The following CDC27 variants were observed in gnomAD, a reference collection of about 807,000 sequenced individuals.
CDC27 encodes cell division cycle protein 27 homolog.
CDC27 carries 27 observed loss-of-function variants against 109.7 expected under a neutral mutation model. The ratio of observed to expected loss-of-function variants is 0.25; its 90% CI spans 0.18 to 0.34. CDC27 has a LOEUF of 0.34. Among genes scored for constraint, CDC27 ranks in the 10% least tolerant of loss-of-function variants. The pLI is 1.00. For missense variants in CDC27, 579 were observed against 960.2 expected, an observed-to-expected ratio of 0.60 and a Z score of 5.25; for synonymous variants, 266 against 333.9, an observed-to-expected ratio of 0.80 and a Z score of 2.22.
chr17:47,137,549 T>C lies in CDC27; in HGVS notation c.1705-189A>G, dbSNP rs531479066. 3.9e-5 allele frequency among the ~76,000 whole-genome samples: 6 copies of C among 152,350 alleles called. No homozygotes were observed. The South Asian group carries it at 1.2e-3, about 32-fold the overall frequency. On this transcript the variant is annotated intron_variant, in intron 13 of 18. Coordinates refer to ENST00000066544, the MANE Select transcript of CDC27 (RefSeq NM_001256.6). Reference sequence around the variant, plus strand: ...TTGTCTGATTGCTAAAATTTATTTGTAAAACCAAAATCAATACTTGCAGTG... The same window carrying C: ...TTGTCTGATTGCTAAAATTTATTTGCAAAACCAAAATCAATACTTGCAGTG...
chr17:47,178,143 G>T (rs2064085857), intron 2 of CDC27, among the ~76,000 whole-genome samples: 1 of 152,096 alleles, frequency 6.6e-6, no homozygotes, highest in Non-Finnish European at 1.5e-5. Flanking sequence ...CTCACTAGTG[G>T]ACTGTGATGT....
chr17:47,119,609 AT>A lies in CDC27; in HGVS notation c.*1325del, dbSNP rs2061941887. ...GTTAACAACTAAAATTTCTCTAAAAATTTCAATACATTACAGTAAAGGAGAT... is the reference window on the plus strand; with the variant it reads ...GTTAACAACTAAAATTTCTCTAAAAATTCAATACATTACAGTAAAGGAGAT... On this transcript the variant is annotated 3_prime_UTR_variant, in exon 19 of 19. Coordinates refer to ENST00000066544, the MANE Select transcript of CDC27 (RefSeq NM_001256.6). 6.6e-6 allele frequency: 1 copy of A among 152,204 alleles called. No homozygotes were observed. The highest frequency in any genetic ancestry group is 2.1e-4 in the South Asian group (1 of 4,828). 9.4% of individuals were successfully genotyped at this position (152,204 alleles called of 1,614,324 possible).
intron 1 of CDC27, among the ~76,000 whole-genome samples, chr17:47,187,358 C>T (rs1220760278): frequency 3.9e-5 from 6 of 152,026 alleles, no homozygotes; most frequent in East Asian, 1.9e-4. Context: ...TGGAGTGCAG[C>T]GGGACCATGT....
chr17:47,134,623 G>T (rs148470613), intron 14 of CDC27, among the ~76,000 whole-genome samples: 1 of 151,832 alleles, frequency 6.6e-6, no homozygotes, highest in Non-Finnish European at 1.5e-5. Context: ...CTACAGGCAC[G>T]CATCACCACA....
chr17:47,160,526 G>A (rs750384535), intron 4 of CDC27, among the ~76,000 whole-genome samples: 3 of 152,134 alleles, frequency 2.0e-5, no homozygotes, highest in Non-Finnish European at 4.4e-5. Flanking sequence ...GCACCTGGTC[G>A]CCTCCTCCTT....
chr17:47,164,803 C>T (rs780351105), intron 4 of CDC27, among the ~76,000 whole-genome samples: 2 of 151,980 alleles, frequency 1.3e-5, no homozygotes, highest in Admixed American at 6.6e-5. Flanking sequence ...AGCGACAGAG[C>T]GCAAGATTCC....
chr17:47,172,092 T>A (rs1477750232), intron 2 of CDC27, 28 bp from the exon 3 acceptor site: 2 of 1,466,018 alleles, frequency 1.4e-6, no homozygotes, highest in African/African-American at 2.9e-5. Context: ...TTAAAAAGGC[T>A]ATTGTTCAGT....
Position 47,118,346 on chromosome 17 carries a change from A to G in CDC27, c.*2589T>C, listed in dbSNP as rs561962378. The G allele has an allele frequency of 6.5e-6, 1 of 152,736 alleles. No homozygotes were observed. The highest frequency in any genetic ancestry group is 1.9e-4 in the East Asian group (1 of 5,190). 9.5% of individuals were successfully genotyped at this position (152,736 alleles called of 1,614,324 possible). On this transcript the variant is annotated 3_prime_UTR_variant, in exon 19 of 19. Transcript: ENST00000066544. ...AGTGATGAATACAGAAAATGTAGGG[A>G]CCACCTTTCATTCTTTTGAGTACCA... is the stretch of plus-strand genomic sequence containing the variant.
chr17:47,162,887 G>C lies in CDC27; in HGVS notation c.378-4584C>G, dbSNP rs184724718. Reference sequence around the variant, plus strand: ...AAGAGATTAGATACACATATGGATAGATATATGTATAAATCACATAAGAGC... The same window carrying C: ...AAGAGATTAGATACACATATGGATACATATATGTATAAATCACATAAGAGC... On this transcript the variant is annotated intron_variant, in intron 4 of 18. Transcript: ENST00000066544. Among the ~76,000 whole-genome samples, 19 of 152,282 alleles carry C rather than the reference G, an allele frequency of 1.2e-4. No homozygotes were observed. The East Asian group carries it at 3.7e-3, about 29-fold the overall frequency.
chr17:47,180,871 G>T (rs144545702), intron 2 of CDC27, among the ~76,000 whole-genome samples: 39 of 147,278 alleles, frequency 2.6e-4, no homozygotes, highest in African/African-American at 9.5e-4. Flanking sequence ...ACATTTAAGT[G>T]ACAGGTTAGG....
intron 2 of CDC27, among the ~76,000 whole-genome samples, chr17:47,176,532 C>T (rs1709060340): frequency 6.6e-6 from 1 of 152,106 alleles, no homozygotes; most frequent in Non-Finnish European, 1.5e-5. Context: ...TTTTAAAAGG[C>T]TCCTTAGTGT....
At chr17:47,174,001 GGA>G (rs1177357389) in intron 2 of CDC27, among the ~76,000 whole-genome samples, 3 of 152,280 alleles carry the variant, frequency 2.0e-5, no homozygotes, top group Admixed American at 2.0e-4. Context: ...GGCTGAGGCA[GGA>G]GAATCGCCTG....
At chr17:47,125,998 G>T (rs951791646) in intron 16 of CDC27, among the ~76,000 whole-genome samples, 1 of 152,048 alleles carries the variant, frequency 6.6e-6, no homozygotes, top group Non-Finnish European at 1.5e-5. Context: ...CACCCCCAGC[G>T]ATCTAATTAC....
intron 1 of CDC27, 57 bp downstream of exon 1, chr17:47,189,089 C>G (rs2064572348): frequency 1.3e-6 from 2 of 1,589,200 alleles, no homozygotes; most frequent in Admixed American, 3.3e-5. Flanking sequence ...TGGCCCTACG[C>G]TGCTGCTTCC....
intron 2 of CDC27, among the ~76,000 whole-genome samples, chr17:47,173,775 T>C (rs546765103): frequency 1.7e-4 from 26 of 152,270 alleles, no homozygotes; most frequent in Non-Finnish European, 3.1e-4. Context: ...GGAATACGGA[T>C]TGGTGATTTA....
rs763841421 is a variant in CDC27, at chr17:47,120,893, C to T, written c.*42G>A. 1 of 1,367,744 alleles carries T rather than the reference C, an allele frequency of 7.3e-7. No individual in the cohort carries two copies. Among genetic ancestry groups the T allele is most frequent in the Non-Finnish European group, 1.0e-6 (1 of 959,230 alleles). The allele number at this position is 1,367,744 out of a possible 1,614,324, so 84.7% of individuals were successfully genotyped here. ...TACAGAGGGACAAGAAACACGTCAGCACTAGTCACACATCCAGTTGTAAAA... is the reference window on the plus strand; with the variant it reads ...TACAGAGGGACAAGAAACACGTCAGTACTAGTCACACATCCAGTTGTAAAA... On this transcript the variant is annotated 3_prime_UTR_variant, in exon 19 of 19. Coordinates refer to ENST00000066544, the MANE Select transcript of CDC27 (RefSeq NM_001256.6).
At chr17:47,132,412 A>C (rs2062372141) in intron 14 of CDC27, 38 bp from the exon 15 acceptor site, 1 of 1,022,554 alleles carries the variant, frequency 9.8e-7, no homozygotes, top group Admixed American at 2.5e-5. Flanking sequence ...TAAAAATATA[A>C]AGTTTAGGTT....
intron 9 of CDC27, among the ~76,000 whole-genome samples, chr17:47,148,328 T>C (rs539063430): frequency 6.6e-6 from 1 of 152,036 alleles, no homozygotes; most frequent in African/African-American, 2.4e-5. Flanking sequence ...GGTCTGACAC[T>C]GCTGAAGAAA....
chr17:47,136,306 A>T (rs1487882102), intron 14 of CDC27, among the ~76,000 whole-genome samples: 1 of 152,226 alleles, frequency 6.6e-6, no homozygotes, highest in African/African-American at 2.4e-5. Flanking sequence ...TACTACTGCA[A>T]AATGAGACAT....
Sources: gnomAD v4.1 joint callset for allele counts (sites outside exome capture counted in the v4.1 genomes callset) on GRCh38, gnomAD v4.1.1 for gene constraint, MANE v1.5 for transcripts, NCBI Gene and HGNC (gene_info 2026-07-23, HGNC 2026-07-21) for gene names.